AASDH: variants seen among roughly 807,000 people sequenced by gnomAD.
The protein encoded by AASDH is beta-alanine-activating enzyme.
Under a neutral mutation model 102.3 loss-of-function variants are expected in AASDH, and 81 were observed. The observed-to-expected ratio is 0.79, with a 90% CI of 0.66 to 0.95. AASDH has a LOEUF of 0.95. Ranked by LOEUF, AASDH falls within the 40% of genes least tolerant of loss-of-function variation. The pLI is 0.00. For missense variants in AASDH, 1,203 were observed against 1,266.2 expected (o/e 0.95, Z 0.76); for synonymous variants, 398 against 454.0 (o/e 0.88, Z 1.57).
At chr4:56,346,582 A>C (rs749477873) in intron 11 of AASDH, among the ~76,000 whole-genome samples, 7 of 152,196 alleles carry the variant, frequency 4.6e-5, no homozygotes, top group Non-Finnish European at 1.0e-4. Flanking sequence ...AAAAGAATAA[A>C]ACACAAGCCC....
intron 14 of AASDH, among the ~76,000 whole-genome samples, chr4:56,339,159 A>AT (rs1172509334): frequency 1.0e-4 from 15 of 145,158 alleles, no homozygotes; most frequent in East Asian, 2.1e-4. Flanking sequence ...ATTTATTATT[A>AT]TTATTTTTTT....
rs1369920048 is a variant in AASDH, at chr4:56,378,476, G to A, written c.352-12C>T. The A allele has an allele frequency of 1.3e-6, 2 of 1,569,656 alleles. No homozygotes were observed. Among genetic ancestry groups the A allele is most frequent in the East Asian group, 2.2e-5 (1 of 44,614 alleles). On this transcript the variant is annotated splice_polypyrimidine_tract_variant and intron_variant, in intron 3 of 14. Transcript: ENST00000205214. Reference sequence around the variant, plus strand: ...AAAGATTTAAATTTCTGTGTGAAATGGGGGACAAAGTTTACAGTATTAGTA... The same window carrying A: ...AAAGATTTAAATTTCTGTGTGAAATAGGGGACAAAGTTTACAGTATTAGTA...
chr4:56,341,382 CT>C (rs1308835040), intron 14 of AASDH, among the ~76,000 whole-genome samples: 1 of 100,998 alleles, frequency 9.9e-6, no homozygotes, highest in Admixed American at 1.1e-4. Context: ...GAACTGGAGA[CT>C]TTTATCTTTT....
intron 3 of AASDH, among the ~76,000 whole-genome samples, chr4:56,378,742 T>C (rs1348524860): frequency 6.6e-6 from 1 of 151,588 alleles, no homozygotes; most frequent in Non-Finnish European, 1.5e-5. Context: ...TGTAAATAGT[T>C]GCTATATTTT....
At chr4:56,378,110 A>C (rs1167917943) in intron 4 of AASDH, 38 bp downstream of exon 4, 6 of 1,546,208 alleles carry the variant, frequency 3.9e-6, no homozygotes, top group Non-Finnish European at 4.4e-6. Context: ...CTGGCCTAAA[A>C]TATAGATTCT....
chr4:56,351,299 A>G, intron 10 of AASDH, 43 bp downstream of exon 10: 1 of 1,279,210 alleles, frequency 7.8e-7, no homozygotes, highest in African/African-American at 1.5e-5. Flanking sequence ...AAGATATAAA[A>G]CGACCTCTTT....
Position 56,351,446 on chromosome 4 carries a change from C to A in AASDH, c.1588G>T (p.Val530Phe). ...LPFTSHGKID[V>F]SELNKIYLNY... is the part of the protein sequence containing the mutation. ...AAATATATCTTGTTTAACTCAGAAA[C>A]ATCAATTTTGCCTTAATATAAAAGA... The change falls in exon 10 of 15, where the codon GTT (valine) becomes TTT (phenylalanine). Residue 530 changes from valine to phenylalanine, a missense_variant. By Grantham distance (50) the Val-to-Phe change is conservative. Coordinates refer to ENST00000205214, the MANE Select transcript of AASDH (RefSeq NM_181806.4). 1 of 1,550,464 alleles carries A rather than the reference C, an allele frequency of 6.4e-7. No homozygotes were observed. The highest frequency in any genetic ancestry group is 1.2e-5 in the South Asian group (1 of 85,042).
intron 3 of AASDH, among the ~76,000 whole-genome samples, chr4:56,380,435 TTTTC>T (rs1752826285): frequency 6.6e-6 from 1 of 152,068 alleles, no homozygotes; most frequent in Admixed American, 6.6e-5. Flanking sequence ...GCCTACAGTG[TTTTC>T]TTTGTGTGTT....
chr4:56,380,971 T>C (rs1752885856), intron 3 of AASDH, among the ~76,000 whole-genome samples: 1 of 152,234 alleles, frequency 6.6e-6, no homozygotes, highest in South Asian at 2.1e-4. Flanking sequence ...TGATCGTTCC[T>C]GTGTTAAATG....
chr4:56,356,895 G>A, intron 5 of AASDH: 2 of 952,530 alleles, frequency 2.1e-6, no homozygotes, highest in Non-Finnish European at 1.6e-6. Flanking sequence ...AGCTCGAAAA[G>A]GCAAACGCTA....
rs1037607279 is a variant in AASDH, at chr4:56,349,093, G to T, written c.2488+170C>A. On this transcript the variant is annotated intron_variant, in intron 11 of 14. Transcript: ENST00000205214. ...CTATACAGGTAGGTTCAAATCCAGGGACTCTTGACCCCAAGGCCCACAATA... is the reference window on the plus strand; with the variant it reads ...CTATACAGGTAGGTTCAAATCCAGGTACTCTTGACCCCAAGGCCCACAATA... 5.8e-6 allele frequency: 4 copies of T among 689,720 alleles called. No individual in the cohort carries two copies. In the African/African-American group the frequency reaches 7.2e-5, roughly 12 times the overall value. The allele number at this position is 689,720 out of a possible 1,614,324, so 42.7% of individuals were successfully genotyped here.
rs757375005 is a variant in AASDH, at chr4:56,378,245, A to C, written c.571T>G (p.Cys191Gly). Residue 191 changes from cysteine to glycine, a missense_variant, in exon 4 of 15, where the codon TGC (cysteine) becomes GGC (glycine). Cys to Gly is a radical substitution (Grantham distance 159). Coordinates refer to ENST00000205214, the MANE Select transcript of AASDH (RefSeq NM_181806.4). ...EEHMDLRLKHCLAYVLHTSGT... is the reference protein window; with the variant it reads ...EEHMDLRLKHGLAYVLHTSGT... ...GATGTATGTAGAACATAGGCTAAGC[A>C]ATGCTTTAGCCTCAGATCCATGTGT... is the stretch of plus-strand genomic sequence containing the variant. 2 of 1,613,912 alleles carry C rather than the reference A, an allele frequency of 1.2e-6. No homozygotes were observed. Among genetic ancestry groups the C allele is most frequent in the Admixed American group, 3.3e-5 (2 of 60,032 alleles).
rs566815071 is a variant in AASDH, at chr4:56,348,919, G to C, written c.2488+344C>G. The C allele has an allele frequency of 6.1e-5, 16 of 261,986 alleles. No homozygotes were observed. The East Asian group carries it at 1.1e-3, about 18-fold the overall frequency. The allele number at this position is 261,986 out of a possible 1,614,324, so 16.2% of individuals were successfully genotyped here. ...AATTGCTGACCCATAGAAACTATGA[G>C]ACAATAAATTTGTGTTGTTCTAGGT... On this transcript the variant is annotated intron_variant, in intron 11 of 14. Coordinates refer to ENST00000205214, the MANE Select transcript of AASDH (RefSeq NM_181806.4).
chr4:56,382,242 G>T, intron 3 of AASDH: 1 of 371,830 alleles, frequency 2.7e-6, no homozygotes, highest in Non-Finnish European at 4.8e-6. Context: ...TGGTTGTTAT[G>T]ACTGGGAGGT....
In AASDH at chr4:56,343,631, C is replaced by T. The variant is rs370648169; in HGVS notation, c.2706G>A (p.Pro902=). Residue 902 remains proline, a synonymous_variant, in exon 13 of 15, where the codon CCG becomes CCA. Transcript: ENST00000205214. ...AATGATGTGGAATCAGGTTCAAACA[C>T]GGAGAGGAAAAGACAGTTCCTCCAC... is the stretch of plus-strand genomic sequence containing the variant. ...SKCGGTVFSS[P]CLNLIPHHLY... 6.8e-6 allele frequency: 11 copies of T among 1,610,644 alleles called. No homozygotes were observed. Among genetic ancestry groups the T allele is most frequent in the African/African-American group, 6.7e-5 (5 of 74,786 alleles).
chr4:56,352,752 T>C (rs938386276), intron 9 of AASDH, among the ~76,000 whole-genome samples: 11 of 152,128 alleles, frequency 7.2e-5, no homozygotes, highest in Non-Finnish European at 1.3e-4. Flanking sequence ...CCTCCTGTCC[T>C]CAAACAGGGA....
In AASDH at chr4:56,338,712, G is replaced by A. The variant is rs201592398; in HGVS notation, c.2987C>T (p.Ser996Phe). The A allele has an allele frequency of 1.1e-5, 17 of 1,614,056 alleles. No homozygotes were observed. The highest frequency in any genetic ancestry group is 1.4e-5 in the Non-Finnish European group (17 of 1,179,984). ...ACAACAGTAGATAAAGCAATCATGG[G>A]AACCAAAAAATATTTTTTGCTCTGA... ...SPSEQKIFFGSHDCFIYCCNM... is the reference protein window; with the variant it reads ...SPSEQKIFFGFHDCFIYCCNM... Residue 996 changes from serine to phenylalanine, a missense_variant, in exon 15 of 15, where the codon TCC becomes TTC. Coordinates refer to ENST00000205214, the MANE Select transcript of AASDH (RefSeq NM_181806.4).
At chr4:56,382,067 A>G (rs1003023353) in intron 3 of AASDH, 1 of 153,096 alleles carries the variant, frequency 6.5e-6, no homozygotes, top group East Asian at 1.9e-4. Flanking sequence ...AGTATTATAA[A>G]ATTTTGCAGT....
chr4:56,359,248 T>C (rs900193345), intron 5 of AASDH, among the ~76,000 whole-genome samples: 9 of 152,124 alleles, frequency 5.9e-5, no homozygotes, highest in African/African-American at 2.2e-4. Flanking sequence ...CTTCTTTTTA[T>C]TTTTTGTGAG....
Sources: allele counts gnomAD v4.1 joint callset (sites outside exome capture counted in the v4.1 genomes callset), GRCh38; gene constraint gnomAD v4.1.1; transcripts MANE v1.5; gene names NCBI Gene and HGNC (gene_info 2026-07-23, HGNC 2026-07-21).